Variants in PSMB7 observed in about 807,000 individuals in gnomAD.
PSMB7 encodes the protein proteasome subunit beta type-7.
Under a neutral mutation model 28.1 loss-of-function variants are expected in PSMB7, and 5 were observed. The ratio of observed to expected loss-of-function variants is 0.18; its 90% confidence interval spans 0.09 to 0.37. The LOEUF (loss-of-function observed/expected upper bound fraction) is 0.37. PSMB7 is among the 10% of genes least tolerant of loss of function. PSMB7 has a pLI of 1.00. For synonymous variants in PSMB7, 122 were observed against 123.7 expected, an observed-to-expected ratio of 0.99 and a Z score of 0.09; for missense variants, 275 against 346.2, an observed-to-expected ratio of 0.79 and a Z score of 1.63.
chr9:124,399,538 G>C (rs1042894940), intron 5 of PSMB7, among the ~76,000 whole-genome samples: 1 of 152,158 alleles, frequency 6.6e-6, no homozygotes, highest in African/African-American at 2.4e-5. Context: ...GAGGGCGAGG[G>C]GGCTGCTGCC....
chr9:124,369,640 G>A (rs1194963212), intron 6 of PSMB7, among the ~76,000 whole-genome samples: 1 of 152,146 alleles, frequency 6.6e-6, no homozygotes, highest in Non-Finnish European at 1.5e-5. Flanking sequence ...TTTAGACACT[G>A]TCTGCCATTT....
chr9:124,359,460 C>A (rs1246020622), intron 6 of PSMB7, among the ~76,000 whole-genome samples: 1 of 152,238 alleles, frequency 6.6e-6, no homozygotes, highest in African/African-American at 2.4e-5. Context: ...CTGCCCCCAA[C>A]CATCTTTTGA....
In PSMB7 at chr9:124,366,845, T is replaced by C. The variant is rs893831002; in HGVS notation, c.571-9930A>G. On this transcript the variant is annotated intron_variant, in intron 6 of 7. Coordinates refer to ENST00000259457, the MANE Select transcript of PSMB7 (RefSeq NM_002799.4). Reference sequence around the variant, plus strand: ...ACAGTATTCAGCGCAGTTAACATGCTGTACAGGCTTGCAGCCCAGGAGCAA... The same window carrying C: ...ACAGTATTCAGCGCAGTTAACATGCCGTACAGGCTTGCAGCCCAGGAGCAA... Among the ~76,000 whole-genome samples, 4 of 152,262 alleles carry C rather than the reference T, an allele frequency of 2.6e-5. 1 individual carries two copies. The South Asian group carries it at 8.3e-4, about 31-fold the overall frequency.
intron 4 of PSMB7, among the ~76,000 whole-genome samples, chr9:124,406,239 A>G (rs1830961470): frequency 6.6e-6 from 1 of 152,076 alleles, no homozygotes; most frequent in Non-Finnish European, 1.5e-5. Flanking sequence ...ATGGTGGCTC[A>G]CACCTATAAT....
intron 4 of PSMB7, among the ~76,000 whole-genome samples, chr9:124,407,778 T>C (rs552059210): frequency 6.6e-6 from 1 of 152,192 alleles, no homozygotes; most frequent in South Asian, 2.1e-4. Flanking sequence ...TTTATGATGA[T>C]TAAAAAAGTG....
intron 6 of PSMB7, among the ~76,000 whole-genome samples, chr9:124,379,802 CCT>C (rs1387881298): frequency 6.6e-6 from 1 of 152,202 alleles, no homozygotes; most frequent in African/African-American, 2.4e-5. Context: ...TGGTTATCGT[CCT>C]CTGTTACCTT....
chr9:124,403,886 A>T (rs868793860), intron 5 of PSMB7, among the ~76,000 whole-genome samples: 7 of 138,242 alleles, frequency 5.1e-5, no homozygotes, highest in South Asian at 2.4e-4. Context: ...CTGTCCTGAC[A>T]TTTTTTTTTT....
chr9:124,368,552 AC>A (rs1266132542), intron 6 of PSMB7, among the ~76,000 whole-genome samples: 7 of 152,246 alleles, frequency 4.6e-5, no homozygotes, highest in Admixed American at 3.9e-4. Flanking sequence ...TCCCTAAAAT[AC>A]ATGTAATAAA....
intron 4 of PSMB7, 78 bp downstream of exon 4, chr9:124,412,274 T>C: frequency 7.0e-7 from 1 of 1,422,398 alleles, no homozygotes; most frequent in Non-Finnish European, 9.7e-7. Flanking sequence ...TTTGCTACTT[T>C]CCAGGCTTCT....
chr9:124,365,141 G>A (rs146449199), intron 6 of PSMB7, among the ~76,000 whole-genome samples: 5 of 152,330 alleles, frequency 3.3e-5, no homozygotes, highest in East Asian at 1.9e-4. Context: ...CATCACGAGC[G>A]GCCTGCTATG....
At chr9:124,413,175 AG>A (rs1158886857) in intron 3 of PSMB7, among the ~76,000 whole-genome samples, 46 of 148,232 alleles carry the variant, frequency 3.1e-4, no homozygotes, top group African/African-American at 1.1e-3. Context: ...AAAAAAAAAA[AG>A]AACGAAAAAA....
chr9:124,398,506 C>A, intron 5 of PSMB7: 1 of 331,644 alleles, frequency 3.0e-6, no homozygotes, highest in Non-Finnish European at 6.1e-6. Flanking sequence ...GTAAAAATCA[C>A]GTTGTTTTTG....
At chr9:124,404,769 C>T (rs1158335633) in intron 5 of PSMB7, among the ~76,000 whole-genome samples, 1 of 152,100 alleles carries the variant, frequency 6.6e-6, no homozygotes, top group African/African-American at 2.4e-5. Context: ...AGAAGAATCA[C>T]TTGAACCCGG....
At chr9:124,363,403 T>A in intron 6 of PSMB7, among the ~76,000 whole-genome samples, 1 of 152,222 alleles carries the variant, frequency 6.6e-6, no homozygotes, top group East Asian at 1.9e-4. Flanking sequence ...TTTGAAACGG[T>A]CTCCGCGAAA....
intron 4 of PSMB7, among the ~76,000 whole-genome samples, chr9:124,405,892 C>T (rs1286508839): frequency 6.6e-6 from 1 of 151,964 alleles, no homozygotes; most frequent in Non-Finnish European, 1.5e-5. Flanking sequence ...CGCCAAATTG[C>T]CCAGGCTGGT....
rs1313596099 is a variant in PSMB7, at chr9:124,363,622, T to C, written c.571-6707A>G. ...AGCAGAGCCGAGCTGCAGCTGGTGC[T>C]GGGCACGCTTAGAGCCGGGAGTGAG... On this transcript the variant is annotated intron_variant, in intron 6 of 7. Coordinates refer to ENST00000259457, the MANE Select transcript of PSMB7 (RefSeq NM_002799.4). Among the ~76,000 whole-genome samples the C allele has an allele frequency of 2.6e-5, 4 of 152,308 alleles. No individual in the cohort carries two copies. The East Asian group carries it at 7.7e-4, about 29-fold the overall frequency.
chr9:124,402,051 G>A (rs919648733), intron 5 of PSMB7, among the ~76,000 whole-genome samples: 1 of 151,678 alleles, frequency 6.6e-6, no homozygotes, highest in Non-Finnish European at 1.5e-5. Context: ...ATGAGTGGAG[G>A]AACAAACAAG....
In PSMB7 at chr9:124,414,955, T is replaced by C; in HGVS notation, c.63-20A>G. 6.4e-7 allele frequency: 1 copy of C among 1,571,000 alleles called. No homozygotes were observed. The highest frequency in any genetic ancestry group is 8.7e-7 in the Non-Finnish European group (1 of 1,144,278). On this transcript the variant is annotated intron_variant, in intron 1 of 7. Transcript: ENST00000259457. The stretch of plus-strand genomic sequence containing the variant: ...GCATTCCTAAGAGCAAATGAGAGAA[T>C]CAAGTGTTGAAGGGCAGGACCACAT...
chr9:124,362,132 G>C (rs1284852745), intron 6 of PSMB7, among the ~76,000 whole-genome samples: 3 of 152,232 alleles, frequency 2.0e-5, no homozygotes, highest in East Asian at 3.9e-4. Flanking sequence ...TTTATACATA[G>C]CTTTGGAATG....
Sources: allele counts gnomAD v4.1 joint callset (sites outside exome capture counted in the v4.1 genomes callset), GRCh38; gene constraint gnomAD v4.1.1; transcripts MANE v1.5; gene names NCBI Gene and HGNC (gene_info 2026-07-23, HGNC 2026-07-21).